Variants in ECPAS observed in about 807,000 individuals in gnomAD.
ECPAS encodes the protein Ecm29 proteasome adaptor and scaffold, also known as proteasome adapter and scaffold protein ECM29.
In ECPAS, 70 loss-of-function variants were observed where a neutral mutation model predicts 255.1. The ratio of observed to expected loss-of-function variants is 0.27; its 90% CI spans 0.23 to 0.33. The LOEUF (loss-of-function observed/expected upper bound fraction) is 0.33. Among genes scored for constraint, ECPAS ranks in the 10% least tolerant of loss-of-function variants. ECPAS has a pLI of 1.00. For synonymous variants in ECPAS, 784 were observed against 775.0 expected (o/e 1.01, Z -0.19); for missense variants, 1,817 against 2,206.4 (o/e 0.82, Z 3.54).
chr9:111,417,274 G>A (rs1351230530), intron 17 of ECPAS, among the ~76,000 whole-genome samples: 1 of 151,764 alleles, frequency 6.6e-6, no homozygotes, highest in South Asian at 2.1e-4. Context: ...AAAAGGAGAT[G>A]TATTTTTAAG....
At chr9:111,480,292 CTTTTTTTTTTTTT>C (rs398011866) in intron 1 of ECPAS, among the ~76,000 whole-genome samples, 8 of 63,628 alleles carry the variant, frequency 1.3e-4, no homozygotes, top group South Asian at 1.3e-3. Flanking sequence ...AGCACCTTTT[CTTTTTTTTTTTTT>C]TTTTTTTTTT....
chr9:111,474,276 G>A (rs995407580), intron 1 of ECPAS, among the ~76,000 whole-genome samples: 19 of 152,088 alleles, frequency 1.2e-4, no homozygotes, highest in East Asian at 1.9e-4. Context: ...TCTGTCTAGA[G>A]GCTACACTCT....
rs562649339 is a variant in ECPAS, at chr9:111,367,781, T to C, written c.5114-1154A>G. Among the ~76,000 whole-genome samples, 10 of 152,220 alleles carry C rather than the reference T, an allele frequency of 6.6e-5. No individual in the cohort carries two copies. In the South Asian group the frequency reaches 2.1e-3, roughly 32 times the overall value. ...TATTGTCGCTGGGCATGGAGGCTCA[T>C]ACCTATAATCCCAGCACTTTGAGAG... is the stretch of plus-strand genomic sequence containing the variant. On this transcript the variant is annotated intron_variant, in intron 46 of 49. Coordinates refer to ENST00000684092, the MANE Select transcript of ECPAS (RefSeq NM_001364929.1).
intron 3 of ECPAS, among the ~76,000 whole-genome samples, chr9:111,446,851 C>T (rs2098253711): frequency 6.6e-6 from 1 of 152,104 alleles, no homozygotes; most frequent in African/African-American, 2.4e-5. Context: ...CTCACATCAG[C>T]GAAAGTGTTT....
intron 9 of ECPAS, among the ~76,000 whole-genome samples, chr9:111,430,221 A>G (rs1018359139): frequency 1.3e-5 from 2 of 152,206 alleles, no homozygotes; most frequent in Non-Finnish European, 2.9e-5. Context: ...TGTATTGCCT[A>G]TAGTTGCTTT....
intron 2 of ECPAS, among the ~76,000 whole-genome samples, chr9:111,468,013 C>T (rs1034400514): frequency 1.6e-4 from 24 of 152,114 alleles, no homozygotes; most frequent in African/African-American, 4.1e-4. Flanking sequence ...ATTACTCAGG[C>T]GTGGTGGCAT....
intron 13 of ECPAS, 116 bp from the exon 14 acceptor site, chr9:111,422,316 T>C: frequency 1.8e-6 from 2 of 1,120,958 alleles, no homozygotes; most frequent in South Asian, 1.5e-5. Context: ...GTCAGCATCA[T>C]TACCCGCTCT....
chr9:111,413,920 A>G lies in ECPAS; in HGVS notation c.2054T>C (p.Phe685Ser). 6.3e-7 allele frequency: 1 copy of G among 1,584,490 alleles called. No individual in the cohort carries two copies. Among genetic ancestry groups the G allele is most frequent in the Non-Finnish European group, 8.6e-7 (1 of 1,163,612 alleles). ...CTTTATCCATTCTGTTTTGTCTACA[A>G]ATTTGGTAGCCAGCTTTTCTGGATA... ...SVYPEKLATK[F>S]VDKTEWIKSL... is the part of the protein sequence containing the mutation. Residue 685 changes from phenylalanine to serine, a missense_variant, in exon 20 of 50, where the codon TTT becomes TCT. Transcript: ENST00000684092.
intron 23 of ECPAS, 118 bp from the exon 24 acceptor site, chr9:111,408,790 A>G: frequency 1.9e-6 from 1 of 516,400 alleles, no homozygotes; most frequent in Non-Finnish European, 3.4e-6. Context: ...TCAACGCAAA[A>G]GTTTTTACAA....
At chr9:111,476,081 A>G (rs2098295902) in intron 1 of ECPAS, among the ~76,000 whole-genome samples, 1 of 152,248 alleles carries the variant, frequency 6.6e-6, no homozygotes, top group African/African-American at 2.4e-5. Context: ...TATCTGGCCA[A>G]CTTTTGCAAC....
chr9:111,370,901 A>G (rs2098126540), intron 43 of ECPAS, 136 bp from the exon 44 acceptor site: 1 of 784,198 alleles, frequency 1.3e-6, no homozygotes, highest in Non-Finnish European at 2.1e-6. Flanking sequence ...CTTATCTTTA[A>G]TGCATAATTT....
At chr9:111,364,068 G>T (rs949331689) in intron 48 of ECPAS, among the ~76,000 whole-genome samples, 1 of 152,150 alleles carries the variant, frequency 6.6e-6, no homozygotes, top group Non-Finnish European at 1.5e-5. Context: ...GCCGATCAGG[G>T]ACACCTGGAA....
At chr9:111,429,220 C>T (rs1359980219) in intron 9 of ECPAS, among the ~76,000 whole-genome samples, 1 of 151,748 alleles carries the variant, frequency 6.6e-6, no homozygotes, top group Non-Finnish European at 1.5e-5. Flanking sequence ...ATTTTTACTG[C>T]TTCATCAAGG....
intron 1 of ECPAS, among the ~76,000 whole-genome samples, chr9:111,475,028 ATTTTTCCTTT>A (rs921012633): frequency 1.3e-5 from 2 of 152,100 alleles, no homozygotes; most frequent in African/African-American, 4.8e-5. Flanking sequence ...AGCTCAAGCT[ATTTTTCCTTT>A]AGCCTCAAAT....
At chr9:111,367,193 C>A (rs1040814201) in intron 46 of ECPAS, among the ~76,000 whole-genome samples, 2 of 152,076 alleles carry the variant, frequency 1.3e-5, no homozygotes, top group Non-Finnish European at 2.9e-5. Context: ...AACTCAACAA[C>A]GAAGTTATTT....
chr9:111,431,918 A>T (rs1005655509), intron 8 of ECPAS, among the ~76,000 whole-genome samples: 4 of 152,202 alleles, frequency 2.6e-5, no homozygotes, highest in African/African-American at 9.7e-5. Flanking sequence ...ACTAATCCTC[A>T]AGCTCCGCCG....
Position 111,376,499 on chromosome 9 carries a change from G to T in ECPAS, c.3997C>A (p.Pro1333Thr). 1 of 1,599,732 alleles carries T rather than the reference G, an allele frequency of 6.3e-7. No individual in the cohort carries two copies. The highest frequency in any genetic ancestry group is 1.1e-5 in the South Asian group (1 of 87,976). Residue 1333 changes from proline to threonine, a missense_variant, in exon 37 of 50, where the codon CCA (proline) becomes ACA (threonine). This residue lies in a region of ECPAS where 960 missense variants were observed against 1,179.0 expected (regional missense o/e 0.81). Transcript: ENST00000684092. ...ACCATGTTGATTGTTTCCATCATTG[G>T]AGAAGATTTGGCAGCACTAAGCCGA... ...SARLSAAKSS[P>T]MMETINMCLQ...
chr9:111,415,702 C>CAA (rs34227645), intron 18 of ECPAS, among the ~76,000 whole-genome samples: 7 of 118,258 alleles, frequency 5.9e-5, no homozygotes, highest in Admixed American at 8.6e-5. Flanking sequence ...GACTCCTTCT[C>CAA]AAAAAAAAAA....
chr9:111,373,148 T>C (rs1453002993), intron 41 of ECPAS, 22 bp downstream of exon 41: 2 of 1,598,946 alleles, frequency 1.3e-6, no homozygotes, highest in East Asian at 2.2e-5. Context: ...TAAAATGACA[T>C]AAAATAGAAA....
Sources: gnomAD v4.1 joint callset for allele counts (sites outside exome capture counted in the v4.1 genomes callset) on GRCh38, gnomAD v4.1.1 for gene constraint, gnomAD v4.1.1 regional missense constraint, MANE v1.5 for transcripts, NCBI Gene and HGNC (gene_info 2026-07-23, HGNC 2026-07-21) for gene names.